DYRK1B: variants seen among roughly 807,000 people sequenced by gnomAD.
DYRK1B encodes dual specificity tyrosine phosphorylation regulated kinase 1B.
In DYRK1B, 20 loss-of-function variants were observed where a neutral mutation model predicts 57.1. The ratio of observed to expected loss-of-function variants is 0.35; its 90% CI spans 0.25 to 0.51. The LOEUF (loss-of-function observed/expected upper bound fraction) is 0.51, where lower values mean the gene tolerates loss of function less well. Ranked by LOEUF, DYRK1B falls within the 20% of genes least tolerant of loss-of-function variation. DYRK1B has a pLI of 0.96. For synonymous variants in DYRK1B, 409 were observed against 384.7 expected (o/e 1.06, Z -0.74); for missense variants, 732 against 886.3 (o/e 0.83, Z 2.21).
Position 39,827,631 on chromosome 19 carries a change from A to C in DYRK1B, c.833T>G (p.Phe278Cys). The change falls in exon 7 of 11, where the codon TTC (phenylalanine) becomes TGC (cysteine). Residue 278 changes from phenylalanine (F) to cysteine (C), a missense_variant. Phe to Cys is a radical substitution (Grantham distance 205, BLOSUM62 -2). Transcript: ENST00000323039. Reference sequence around the variant, plus strand: ...CAGGAGCACCTCAGGTGAGCGGTAGAAGCGGCTCTGGATATACTGGTAGAT... The same window carrying C: ...CAGGAGCACCTCAGGTGAGCGGTAGCAGCGGCTCTGGATATACTGGTAGAT... ...QRIYQYIQSR[F>C]YRSPEVLLGT... is the part of the protein sequence containing the mutation. The C allele has an allele frequency of 6.2e-7, 1 of 1,614,076 alleles. No homozygotes were observed. Among genetic ancestry groups the C allele is most frequent in the Non-Finnish European group, 8.5e-7 (1 of 1,179,968 alleles).
chr19:39,830,609 T>C (rs949540060), intron 3 of DYRK1B, 46 bp from the exon 4 acceptor site: 6 of 1,613,474 alleles, frequency 3.7e-6, no homozygotes, highest in African/African-American at 1.3e-5. Flanking sequence ...GAGTGACTCA[T>C]GCCAGCAGAC....
rs759511845 is a variant in DYRK1B at position 39,826,049 on chromosome 19, C to G, written c.1556G>C (p.Gly519Ala). Residue 519 changes from glycine to alanine, a missense_variant, in exon 11 of 11, where the codon GGT becomes GCT. Physicochemically the swap from Gly to Ala is moderately conservative, Grantham distance 60 (BLOSUM62 0). Around this residue, in one of 2 missense-constraint regions of DYRK1B, gnomAD observed 222 missense variants for 205.0 expected, o/e 1.08. Coordinates refer to ENST00000323039, the MANE Select transcript of DYRK1B (RefSeq NM_004714.3). This position sits in a 1 kb window ranked among gnomAD's most constrained non-coding sequence, Gnocchi z 6.3. ...TTGATGTGTCTTGTGGGGCACATCA[C>G]CCCCTGCCCAGGGCCGCAGCGGCTG... ...PSQPLRPWAGGDVPHKTHQAP... is the reference protein window; with the variant it reads ...PSQPLRPWAGADVPHKTHQAP... 1 of 1,517,992 alleles carries G rather than the reference C, an allele frequency of 6.6e-7. No homozygotes were observed. The allele number at this position is 1,517,992 out of a possible 1,614,324, so 94.0% of individuals were successfully genotyped here.
Position 39,826,757 on chromosome 19 carries a change from G to T in DYRK1B, c.1326C>A (p.Gly442=). The T allele has an allele frequency of 6.3e-7, 1 of 1,587,878 alleles. No individual in the cohort carries two copies. The part of the protein sequence containing the change: ...RRTADEATNT[G]PAGSSASTSP... The stretch of plus-strand genomic sequence containing the variant: ...AGGTGGAGGCACTGCTGCCTGCCGG[G>T]CCCGTGTTGGTGGCCTCGTCGGCCG... The change falls in exon 9 of 11, where the codon GGC becomes GGA. Residue 442 remains glycine, a synonymous_variant. Transcript: ENST00000323039. The surrounding 1 kb of genome is among the most constrained non-coding windows in gnomAD (Gnocchi z 6.3).
At chr19:39,827,033 TG>T in intron 8 of DYRK1B, 46 bp from the exon 9 acceptor site, 1 of 1,333,726 alleles carries the variant, frequency 7.5e-7, no homozygotes, top group African/African-American at 1.6e-5. Flanking sequence ...TGGCCGTCAG[TG>T]GGCAGGAGGG....
At chr19:39,833,104 C>T (rs1968899907) in intron 1 of DYRK1B, 1 of 985,418 alleles carries the variant, frequency 1.0e-6, no homozygotes, top group Non-Finnish European at 1.2e-6. Flanking sequence ...CAGCAAAAAT[C>T]TTCTCCCCAT....
chr19:39,827,446 A>G (rs12977762), intron 7 of DYRK1B, 21 bp from the exon 8 acceptor site: 844,416 of 1,609,350 alleles, frequency 0.52, 226,911 homozygotes, highest in African/African-American at 0.72. Flanking sequence ...GCAGGGGTCA[A>G]GGTCATCAGG....
rs1968526630 is a variant in DYRK1B at position 39,826,186 on chromosome 19, G to A, written c.1512C>T (p.Ser504=). 2 of 1,590,898 alleles carry A rather than the reference G, an allele frequency of 1.3e-6. No homozygotes were observed. The highest frequency in any genetic ancestry group is 1.8e-5 in the Admixed American group (1 of 55,654). The part of the protein sequence containing the change: ...GPPITDCEMN[S]PQVPPSQPLR... ...GCCCCCAAAGCCCCATTACCTGGGG[G>A]CTGTTCATCTCACAGTCTGTGATAG... The change falls in exon 10 of 11, where the codon AGC becomes AGT. Residue 504 remains serine (S), a synonymous_variant. Transcript: ENST00000323039. The surrounding 1 kb of genome is among the most constrained non-coding windows in gnomAD (Gnocchi z 6.3).
chr19:39,827,014 G>GGGGGGGGGGGGGGGGGGGC, intron 8 of DYRK1B, 27 bp from the exon 9 acceptor site: 1 of 419,610 alleles, frequency 2.4e-6, no homozygotes, highest in Non-Finnish European at 4.3e-6. Context: ...GGGAGGGGGG[G>GGGGGGGGGGGGGGGGGGGC]CAAGAGAGTG....
Position 39,831,879 on chromosome 19 carries a change from A to G in DYRK1B, c.-12T>C. On this transcript the variant is annotated 5_prime_UTR_variant, in exon 2 of 11. Transcript: ENST00000323039. ...GGTGGGACGGCCATGGTGGGCTCAG[A>G]GGGCCGCAGGGGAGCGAGGCCTGGA... The G allele has an allele frequency of 6.7e-7, 1 of 1,483,970 alleles. No homozygotes were observed. The highest frequency in any genetic ancestry group is 1.4e-5 in the African/African-American group (1 of 69,948). The allele number at this position is 1,483,970 out of a possible 1,614,324, so 91.9% of individuals were successfully genotyped here.
Position 39,829,869 on chromosome 19 carries a change from C to T in DYRK1B, c.520+11G>A. ...CCAGGTGCCCACAGCCCTGCCAGTC[C>T]CAGGCCTCACCTATATAGTACTTCA... On this transcript the variant is annotated intron_variant, in intron 5 of 10. Coordinates refer to ENST00000323039, the MANE Select transcript of DYRK1B (RefSeq NM_004714.3). The T allele has an allele frequency of 6.2e-7, 1 of 1,612,092 alleles. No homozygotes were observed. The highest frequency in any genetic ancestry group is 8.5e-7 in the Non-Finnish European group (1 of 1,179,412).
At chr19:39,827,210 G>A in intron 8 of DYRK1B, 75 bp downstream of exon 8, 1 of 1,511,156 alleles carries the variant, frequency 6.6e-7, no homozygotes, top group Non-Finnish European at 8.9e-7. Flanking sequence ...AAGGGAGAGG[G>A]AGCAGGGGGA....
In DYRK1B at chr19:39,826,781, C is replaced by A. The variant is rs370695515; in HGVS notation, c.1302G>T (p.Thr434=). Residue 434 remains threonine (T), a synonymous_variant, in exon 9 of 11, where the codon ACG becomes ACT. Coordinates refer to ENST00000323039, the MANE Select transcript of DYRK1B (RefSeq NM_004714.3). This position sits in a 1 kb window ranked among gnomAD's most constrained non-coding sequence, Gnocchi z 6.3. ...GALQHGFFRR[T]ADEATNTGPA... is the part of the protein sequence containing the mutation. ...GGCCCGTGTTGGTGGCCTCGTCGGC[C>A]GTGCGGCGGAAGAAGCCGTGCTGCA... 3.8e-6 allele frequency: 6 copies of A among 1,560,676 alleles called. No homozygotes were observed. Among genetic ancestry groups the A allele is most frequent in the Non-Finnish European group, 5.2e-6 (6 of 1,155,518 alleles).
rs1466192114 is a variant in DYRK1B, at chr19:39,825,615, A to G, written c.*100T>C. On this transcript the variant is annotated 3_prime_UTR_variant, in exon 11 of 11. Coordinates refer to ENST00000323039, the MANE Select transcript of DYRK1B (RefSeq NM_004714.3). ...CAGGCCTCACCCACCCCAGCTGGGTAGCAGCAATTCCAGTCAAGGAGAGAG... is the reference window on the plus strand; with the variant it reads ...CAGGCCTCACCCACCCCAGCTGGGTGGCAGCAATTCCAGTCAAGGAGAGAG... 7.8e-7 allele frequency: 1 copy of G among 1,289,894 alleles called. No individual in the cohort carries two copies. Among genetic ancestry groups the G allele is most frequent in the Non-Finnish European group, 1.1e-6 (1 of 933,084 alleles). The allele number at this position is 1,289,894 out of a possible 1,614,324, so 79.9% of individuals were successfully genotyped here.
chr19:39,830,251 G>A, intron 4 of DYRK1B, 124 bp downstream of exon 4: 3 of 1,317,996 alleles, frequency 2.3e-6, no homozygotes, highest in South Asian at 2.6e-5. Context: ...AGGCGACTGA[G>A]GCACAGGGAA....
Position 39,830,734 on chromosome 19 carries a change from C to T in DYRK1B, c.113G>A (p.Arg38Gln), listed in dbSNP as rs761488320. The change falls in exon 3 of 11, where the codon CGG becomes CAG. Residue 38 changes from arginine to glutamine, a missense_variant. By Grantham distance (43) the Arg-to-Gln change is conservative (BLOSUM62 1). Transcript: ENST00000323039. ...ACGCAGCGGGGCTGAGGTTGCATCC[C>T]GGAAGGCCAGGGGCAGCCTCCGAGG... ...LLPRRLPLAF[R>Q]DATSAPLRKL... The T allele has an allele frequency of 3.7e-6, 6 of 1,614,084 alleles. No homozygotes were observed. Among genetic ancestry groups the T allele is most frequent in the South Asian group, 1.1e-5 (1 of 91,054 alleles).
Position 39,829,981 on chromosome 19 carries a change from T to C in DYRK1B, c.419A>G (p.Lys140Arg). ...DHQTQELVAI[K>R]IIKNKKAFLN... ...GAAAGCCTTTTTGTTCTTGATGATC[T>C]TGATGGCCACAAGCTCCTGGGTCTG... The change falls in exon 5 of 11, where the codon AAG becomes AGG. Residue 140 changes from lysine (K) to arginine (R), a missense_variant. By Grantham distance (26) the Lys-to-Arg change is conservative. Coordinates refer to ENST00000323039, the MANE Select transcript of DYRK1B (RefSeq NM_004714.3). 1 of 1,614,140 alleles carries C rather than the reference T, an allele frequency of 6.2e-7. No homozygotes were observed. Among genetic ancestry groups the C allele is most frequent in the Non-Finnish European group, 8.5e-7 (1 of 1,180,022 alleles).
At chr19:39,833,635 G>A (rs976395499) in intron 1 of DYRK1B, 2 of 152,398 alleles carry the variant, frequency 1.3e-5, no homozygotes, top group Non-Finnish European at 1.5e-5. Flanking sequence ...GAGACCGGAA[G>A]GCGGGGCCCG....
Position 39,828,675 on chromosome 19 carries a change from G to T in DYRK1B, c.521-92C>A. ...GTCATACAACGCTCTTTGATTACTA[G>T]CCACATTGTGCTGTCCCCACGGGTA... is the stretch of plus-strand genomic sequence containing the variant. On this transcript the variant is annotated intron_variant, in intron 5 of 10. Transcript: ENST00000323039. The surrounding 1 kb of genome is among the most constrained non-coding windows in gnomAD (Gnocchi z 4.3). 1 of 1,320,180 alleles carries T rather than the reference G, an allele frequency of 7.6e-7. No individual in the cohort carries two copies. Among genetic ancestry groups the T allele is most frequent in the African/African-American group, 1.5e-5 (1 of 68,624 alleles). The allele number at this position is 1,320,180 out of a possible 1,614,324, so 81.8% of individuals were successfully genotyped here. A position where few individuals can be genotyped will look rare whatever the true frequency, so the allele number is the denominator to read the frequency against.
Position 39,828,705 on chromosome 19 carries a change from C to T in DYRK1B, c.521-122G>A. The T allele has an allele frequency of 1.0e-6, 1 of 1,004,486 alleles. No individual in the cohort carries two copies. The highest frequency in any genetic ancestry group is 1.4e-6 in the Non-Finnish European group (1 of 691,700). 62.2% of individuals were successfully genotyped at this position (1,004,486 alleles called of 1,614,324 possible). A position where few individuals can be genotyped will look rare whatever the true frequency, so the allele number is the denominator to read the frequency against. The stretch of plus-strand genomic sequence containing the variant: ...ATTGTGCTGTCCCCACGGGTACCAT[C>T]TGCTAGTCAAAATCTTTTTATCTAA... On this transcript the variant is annotated intron_variant, in intron 5 of 10. Transcript: ENST00000323039. The surrounding 1 kb of genome is among the most constrained non-coding windows in gnomAD (Gnocchi z 4.3).
Sources: gnomAD v4.1 joint callset for allele counts on GRCh38, gnomAD v4.1.1 for gene constraint, gnomAD v4.1.1 regional missense constraint, Gnocchi (gnomAD v3.1) non-coding constraint, MANE v1.5 for transcripts, NCBI Gene and HGNC (gene_info 2026-07-23, HGNC 2026-07-21) for gene names.